Variants in CCDC152 observed in about 807,000 individuals in gnomAD.
CCDC152 encodes coiled-coil domain containing 152.
A neutral mutation model predicts 38.1 loss-of-function variants in CCDC152; 37 were observed. The ratio of observed to expected loss-of-function variants is 0.97; its 90% confidence interval spans 0.75 to 1.28. CCDC152 has a LOEUF of 1.28. CCDC152 is among the 50% of genes most tolerant of loss of function. The pLI is 0.00. For missense variants in CCDC152, 259 were observed against 292.1 expected (o/e 0.89, Z 0.83); for synonymous variants, 83 against 87.1 (o/e 0.95, Z 0.26).
chr5:42,761,524 A>G (rs951395097), intron 2 of CCDC152, among the ~76,000 whole-genome samples: 1 of 152,142 alleles, frequency 6.6e-6, no homozygotes, highest in Non-Finnish European at 1.5e-5. Context: ...CTGAAGCAGG[A>G]GAACTGCTAG....
chr5:42,757,239 A>G (rs1759492227), intron 1 of CCDC152, among the ~76,000 whole-genome samples: 1 of 152,072 alleles, frequency 6.6e-6, no homozygotes, highest in South Asian at 2.1e-4. Context: ...ACGGAGAGGG[A>G]GCCAGGGGAC....
At chr5:42,796,601 T>G (rs1464695238) in intron 6 of CCDC152, among the ~76,000 whole-genome samples, 1 of 152,214 alleles carries the variant, frequency 6.6e-6, no homozygotes, top group Admixed American at 6.5e-5. Flanking sequence ...TAGTTTAAAT[T>G]ACCTTATTCA....
In CCDC152 at chr5:42,799,973, G is replaced by C; in HGVS notation, c.*192G>C. ...TTGCTTAATAGTATTAACCATAAAGGAGGTCAGGTTTATAGGGTTTGGTTT... is the reference window on the plus strand; with the variant it reads ...TTGCTTAATAGTATTAACCATAAAGCAGGTCAGGTTTATAGGGTTTGGTTT... On this transcript the variant is annotated 3_prime_UTR_variant, in exon 9 of 9. Transcript: ENST00000361970. 1 of 614,934 alleles carries C rather than the reference G, an allele frequency of 1.6e-6. No homozygotes were observed. The highest frequency in any genetic ancestry group is 2.7e-6 in the Non-Finnish European group (1 of 370,874). The allele number at this position is 614,934 out of a possible 1,614,324, so 38.1% of individuals were successfully genotyped here. A position where few individuals can be genotyped will look rare whatever the true frequency, so the allele number is the denominator to read the frequency against.
At chr5:42,773,143 TA>T (rs1759723481) in intron 4 of CCDC152, among the ~76,000 whole-genome samples, 1 of 152,192 alleles carries the variant, frequency 6.6e-6, no homozygotes, top group African/African-American at 2.4e-5. Flanking sequence ...AAAAGTAAAC[TA>T]AAAGGATCTG....
intron 6 of CCDC152, among the ~76,000 whole-genome samples, chr5:42,795,799 AT>A (rs1760066687): frequency 2.0e-5 from 3 of 152,034 alleles, no homozygotes; most frequent in Non-Finnish European, 4.4e-5. Flanking sequence ...GCGTATGTTT[AT>A]TGCGGCACTA....
intron 6 of CCDC152, among the ~76,000 whole-genome samples, chr5:42,793,070 C>T (rs1201679798): frequency 6.6e-6 from 1 of 152,162 alleles, no homozygotes; most frequent in Admixed American, 6.5e-5. Context: ...CATAAATAAA[C>T]AAATCATGGT....
chr5:42,794,432 A>T (rs1000879843), intron 6 of CCDC152, among the ~76,000 whole-genome samples: 1 of 152,182 alleles, frequency 6.6e-6, no homozygotes, highest in African/African-American at 2.4e-5. Flanking sequence ...GTGGAACCAA[A>T]CGTTTTTCCT....
intron 6 of CCDC152, among the ~76,000 whole-genome samples, chr5:42,795,678 A>G (rs965120643): frequency 1.3e-5 from 2 of 152,258 alleles, no homozygotes; most frequent in Non-Finnish European, 2.9e-5. Context: ...AGTAGGATCT[A>G]CAAATTTATT....
intron 4 of CCDC152, among the ~76,000 whole-genome samples, chr5:42,778,152 A>G (rs972981552): frequency 1.4e-4 from 21 of 152,352 alleles, no homozygotes; most frequent in South Asian, 1.2e-3. Flanking sequence ...TGACTAGGGC[A>G]CATGCCACAA....
chr5:42,796,355 G>T (rs1446052364), intron 6 of CCDC152, among the ~76,000 whole-genome samples: 1 of 151,978 alleles, frequency 6.6e-6, no homozygotes, highest in Non-Finnish European at 1.5e-5. Flanking sequence ...TCTCATCCTA[G>T]ATGTCATGGT....
chr5:42,784,181 G>T (rs1424990238), intron 6 of CCDC152, among the ~76,000 whole-genome samples: 1 of 152,058 alleles, frequency 6.6e-6, no homozygotes, highest in Non-Finnish European at 1.5e-5. Flanking sequence ...GTTTTCCATA[G>T]GGGTGAAACT....
intron 2 of CCDC152, among the ~76,000 whole-genome samples, chr5:42,759,909 A>G (rs1426125021): frequency 6.6e-6 from 1 of 152,192 alleles, no homozygotes. Context: ...AGGTAAAAAC[A>G]TACTATATAT....
At chr5:42,779,629 G>T in intron 5 of CCDC152, 107 bp downstream of exon 5, 1 of 629,112 alleles carries the variant, frequency 1.6e-6, no homozygotes. Context: ...CCAAATGTTT[G>T]TGGGTGTGTG....
At chr5:42,764,359 A>G (rs1284308575) in intron 3 of CCDC152, among the ~76,000 whole-genome samples, 2 of 152,242 alleles carry the variant, frequency 1.3e-5, no homozygotes, top group East Asian at 3.9e-4. Flanking sequence ...AAGAAATAAT[A>G]CCAATCCTAC....
rs575256195 is a variant in CCDC152 at position 42,800,483 on chromosome 5, A to G, written c.*702A>G. On this transcript the variant is annotated 3_prime_UTR_variant, in exon 9 of 9. Transcript: ENST00000361970. Reference sequence around the variant, plus strand: ...AATAGAACACTGGAAAAAGAAAAAAAAAGACATATTAACCAAAAGCTGCAA... The same window carrying G: ...AATAGAACACTGGAAAAAGAAAAAAGAAGACATATTAACCAAAAGCTGCAA... 3.6e-5 allele frequency: 16 copies of G among 439,654 alleles called. No individual in the cohort carries two copies. The highest frequency in any genetic ancestry group is 5.1e-5 in the Non-Finnish European group (13 of 253,968). 27.2% of individuals were successfully genotyped at this position (439,654 alleles called of 1,614,324 possible). A position where few individuals can be genotyped will look rare whatever the true frequency, so the allele number is the denominator to read the frequency against.
chr5:42,758,526 T>C (rs747037013), intron 1 of CCDC152, among the ~76,000 whole-genome samples: 1 of 152,338 alleles, frequency 6.6e-6, no homozygotes, highest in South Asian at 2.1e-4. Context: ...AATGGATAAA[T>C]TGACTTTTGC....
chr5:42,767,659 A>G (rs533535559), intron 3 of CCDC152, among the ~76,000 whole-genome samples: 1 of 152,258 alleles, frequency 6.6e-6, no homozygotes, highest in Admixed American at 6.5e-5. Flanking sequence ...TGAAGAATTT[A>G]TCTATGCTCC....
intron 6 of CCDC152, among the ~76,000 whole-genome samples, chr5:42,792,472 T>C (rs1760017335): frequency 6.6e-6 from 1 of 152,204 alleles, no homozygotes; most frequent in South Asian, 2.1e-4. Context: ...ATTATTTCCA[T>C]CCATATTTCA....
rs765747091 is a variant in CCDC152 at position 42,799,826 on chromosome 5, G to A, written c.*45G>A. 2.2e-5 allele frequency: 34 copies of A among 1,541,426 alleles called. No homozygotes were observed. Among genetic ancestry groups the A allele is most frequent in the South Asian group, 1.3e-4 (11 of 81,796 alleles). ...AGTTGGTATTTATTTAAAAGCAATC[G>A]AAAGTTTCACTTCTGTTTTCAATAT... On this transcript the variant is annotated 3_prime_UTR_variant, in exon 9 of 9. Transcript: ENST00000361970.
Sources: allele counts gnomAD v4.1 joint callset (sites outside exome capture counted in the v4.1 genomes callset), GRCh38; gene constraint gnomAD v4.1.1; transcripts MANE v1.5; gene names NCBI Gene and HGNC (gene_info 2026-07-23, HGNC 2026-07-21).